Variants in PLEKHG4B observed in about 807,000 individuals in gnomAD.
PLEKHG4B encodes pleckstrin homology and RhoGEF domain containing G4B.
PLEKHG4B carries 111 observed loss-of-function variants against 121.3 expected under a neutral mutation model. The ratio of observed to expected loss-of-function variants is 0.92; its 90% CI spans 0.78 to 1.07. The LOEUF (loss-of-function observed/expected upper bound fraction) is 1.07, where lower values mean the gene tolerates loss of function less well. Ranked by LOEUF, PLEKHG4B falls within the 50% of genes least tolerant of loss-of-function variation. The probability of loss-of-function intolerance (pLI) is 0.00; values close to 1 mark genes in which losing one functional copy is unlikely to be tolerated. For missense variants in PLEKHG4B, 1,831 were observed against 1,757.8 expected, an observed-to-expected ratio of 1.04 and a Z score of -0.74; for synonymous variants, 738 against 725.0, an observed-to-expected ratio of 1.02 and a Z score of -0.29.
At chr5:111,604 G>A (rs560192366) in intron 1 of PLEKHG4B, among the ~76,000 whole-genome samples, 6 of 152,296 alleles carry the variant, frequency 3.9e-5, no homozygotes, top group African/African-American at 7.2e-5. Context: ...CGTCTCTTCC[G>A]GGGATGGCCC....
chr5:186,768 G>T lies in PLEKHG4B; in HGVS notation c.*4445G>T, dbSNP rs911258357. The T allele has an allele frequency of 6.6e-6, 1 of 152,588 alleles. No homozygotes were observed. The highest frequency in any genetic ancestry group is 6.5e-5 in the Admixed American group (1 of 15,284). The allele number at this position is 152,588 out of a possible 1,614,324, so 9.5% of individuals were successfully genotyped here. A position where few individuals can be genotyped will look rare whatever the true frequency, so the allele number is the denominator to read the frequency against. ...CAGTGCCTCCTTCCAAGCTGCCTGA[G>T]CAATCCTGGGTGGTGAGCTCCACCA... On this transcript the variant is annotated 3_prime_UTR_variant, in exon 20 of 20. Transcript: ENST00000637938.
Position 140,525 on chromosome 5 carries a change from C to A in PLEKHG4B, c.1286C>A (p.Ala429Glu). The change falls in exon 3 of 20, where the codon GCA (alanine) becomes GAA (glutamate). Residue 429 changes from alanine to glutamate, a missense_variant. Coordinates refer to ENST00000637938, the MANE Select transcript of PLEKHG4B (RefSeq NM_052909.5). Reference protein sequence around the residue: ...HTPSRTGPGAAGRTLPRRSRS... With the variant: ...HTPSRTGPGAEGRTLPRRSRS... The stretch of plus-strand genomic sequence containing the variant: ...CCCAGCCGGACAGGTCCAGGAGCTG[C>A]AGGGCGGACTCTTCCCAGGAGATCT... 1.3e-6 allele frequency: 2 copies of A among 1,598,776 alleles called. No homozygotes were observed. The highest frequency in any genetic ancestry group is 2.2e-5 in the South Asian group (2 of 88,972).
chr5:102,758 TACAG>T (rs1251248272), intron 1 of PLEKHG4B, among the ~76,000 whole-genome samples: 1 of 152,212 alleles, frequency 6.6e-6, no homozygotes, highest in Non-Finnish European at 1.5e-5. Context: ...AACAGACTAA[TACAG>T]ACAGCACCAA....
At chr5:164,793 C>CA (rs537161675) in intron 13 of PLEKHG4B, among the ~76,000 whole-genome samples, 1 of 88,670 alleles carries the variant, frequency 1.1e-5, no homozygotes, top group Non-Finnish European at 2.3e-5. Context: ...AATGCTCTGA[C>CA]GGGGCGGAGC....
At position 181,609 on chromosome 5, in the gene PLEKHG4B, A is replaced by C; in HGVS notation, c.4498A>C (p.Ser1500Arg). The change falls in exon 19 of 20, where the codon AGC becomes CGC. Residue 1500 changes from serine (S) to arginine (R), a missense_variant. By Grantham distance (110) the Ser-to-Arg change is moderately radical. Coordinates refer to ENST00000637938, the MANE Select transcript of PLEKHG4B (RefSeq NM_052909.5). ...CCGGACCCCTGACTGTGCAGTGATA[A>C]GCGACCGGGCTCCCAAATGTGCAGT... ...RDRTPDCAVI[S>R]DRAPKCAVMS... is the part of the protein sequence containing the mutation. 6.2e-7 allele frequency: 1 copy of C among 1,612,680 alleles called. No individual in the cohort carries two copies. Among genetic ancestry groups the C allele is most frequent in the Non-Finnish European group, 8.5e-7 (1 of 1,179,344 alleles).
chr5:172,567 GA>G (rs1231535178), intron 16 of PLEKHG4B, among the ~76,000 whole-genome samples: 1 of 152,242 alleles, frequency 6.6e-6, no homozygotes, highest in Non-Finnish European at 1.5e-5. Context: ...CTGCACGTAT[GA>G]CCCGGGAACG....
In PLEKHG4B at chr5:182,178, G is replaced by A. The variant is rs958008282; in HGVS notation, c.4739G>A (p.Trp1580Ter). 8 of 1,613,974 alleles carry A rather than the reference G, an allele frequency of 5.0e-6. No individual in the cohort carries two copies. The highest frequency in any genetic ancestry group is 6.8e-6 in the Non-Finnish European group (8 of 1,180,042). The change falls in exon 20 of 20, where the codon TGG (tryptophan) becomes TAG (stop). Residue 1580 changes from tryptophan to a stop codon, truncating the protein, a stop_gained. Transcript: ENST00000637938. LOFTEE classifies it low-confidence loss of function (END_TRUNC). Reference sequence around the variant, plus strand: ...TCCAGCCCAGCCCACCCGGGCCTATGGAGCCCTGCCCACAGCCCCTGGTCA... The same window carrying A: ...TCCAGCCCAGCCCACCCGGGCCTATAGAGCCCTGCCCACAGCCCCTGGTCA... ...VSSSPAHPGL[W>*]SPAHSPWSSD...
chr5:137,027 G>A lies in PLEKHG4B; in HGVS notation c.244-2456G>A, dbSNP rs1458870790. Among the ~76,000 whole-genome samples the A allele has an allele frequency of 6.6e-6, 1 of 152,184 alleles. No homozygotes were observed. The highest frequency in any genetic ancestry group is 1.9e-4 in the East Asian group (1 of 5,198). On this transcript the variant is annotated intron_variant, in intron 2 of 19. Transcript: ENST00000637938. This position sits in a 1 kb window ranked among gnomAD's most constrained non-coding sequence, Gnocchi z 4.2. ...GGAATATTATGCAACCCTGTGGATG[G>A]ATGAATGGATAGCAAAATATAGTAT...
intron 13 of PLEKHG4B, 114 bp downstream of exon 13, chr5:163,662 C>A: frequency 1.2e-6 from 1 of 860,908 alleles, no homozygotes; most frequent in South Asian, 1.8e-5. Flanking sequence ...CCGCAGACAT[C>A]CCTCTGGGTC....
chr5:143,518 A>G lies in PLEKHG4B; in HGVS notation c.1811+15A>G. 6.2e-7 allele frequency: 1 copy of G among 1,612,364 alleles called. No homozygotes were observed. The highest frequency in any genetic ancestry group is 8.5e-7 in the Non-Finnish European group (1 of 1,179,762). On this transcript the variant is annotated intron_variant, in intron 5 of 19. Transcript: ENST00000637938. ...AGCATCCCCAGGTGGGACGGGGGGC[A>G]AGGCCGCACCCTGCAGACCCATGGG...
At chr5:115,943 G>C (rs1734295992) in intron 2 of PLEKHG4B, among the ~76,000 whole-genome samples, 2 of 152,244 alleles carry the variant, frequency 1.3e-5, no homozygotes, top group South Asian at 4.1e-4. Flanking sequence ...GTTCCTTAGA[G>C]TGGACTTTTA....
At chr5:164,519 A>G (rs949863651) in intron 13 of PLEKHG4B, among the ~76,000 whole-genome samples, 2 of 81,120 alleles carry the variant, frequency 2.5e-5, no homozygotes, top group Non-Finnish European at 4.9e-5. Context: ...GAGCTCACAC[A>G]GTAATGCTGT....
At chr5:130,961 T>G (rs1734760788) in intron 2 of PLEKHG4B, among the ~76,000 whole-genome samples, 1 of 152,212 alleles carries the variant, frequency 6.6e-6, no homozygotes, top group Non-Finnish European at 1.5e-5. Flanking sequence ...CAAAGAAGAA[T>G]GGTGTTCTTT....
chr5:131,884 A>C (rs1258672838), intron 2 of PLEKHG4B, among the ~76,000 whole-genome samples: 2 of 152,208 alleles, frequency 1.3e-5, no homozygotes, highest in East Asian at 3.8e-4. Context: ...GCATAGTTTC[A>C]TGTGTCTGTT....
intron 6 of PLEKHG4B, among the ~76,000 whole-genome samples, chr5:150,361 GGA>G (rs1243127440): frequency 6.6e-6 from 1 of 152,166 alleles, no homozygotes; most frequent in Non-Finnish European, 1.5e-5. Flanking sequence ...AGGGGGTAAT[GGA>G]GAGTTTTTCT....
chr5:171,202 C>A lies in PLEKHG4B; in HGVS notation c.3820-12C>A, dbSNP rs370365235. 6.2e-7 allele frequency: 1 copy of A among 1,603,100 alleles called. No homozygotes were observed. The highest frequency in any genetic ancestry group is 1.7e-5 in the Admixed American group (1 of 59,554). On this transcript the variant is annotated splice_polypyrimidine_tract_variant and intron_variant, in intron 15 of 19. Coordinates refer to ENST00000637938, the MANE Select transcript of PLEKHG4B (RefSeq NM_052909.5). ...CCAGGCCGGAGCTGACCCTCTCACC[C>A]GGCCCTTGCAGGACAAGCAGCGGGA...
At chr5:172,499 C>T (rs547627183) in intron 16 of PLEKHG4B, among the ~76,000 whole-genome samples, 16 of 152,300 alleles carry the variant, frequency 1.1e-4, no homozygotes, top group South Asian at 2.1e-4. Context: ...TCAAAATGGA[C>T]GCGAGGGCTT....
chr5:128,912 G>A (rs1734698393), intron 2 of PLEKHG4B, among the ~76,000 whole-genome samples: 1 of 152,144 alleles, frequency 6.6e-6, no homozygotes, highest in Non-Finnish European at 1.5e-5. Context: ...TGACAGGGAG[G>A]GGTCGGACAG....
intron 13 of PLEKHG4B, among the ~76,000 whole-genome samples, chr5:163,928 G>A (rs1454262003): frequency 6.6e-6 from 1 of 152,212 alleles, no homozygotes; most frequent in Non-Finnish European, 1.5e-5. Flanking sequence ...TAAGTGTTAG[G>A]GGTTAGAAGG....
Sources: gnomAD v4.1 joint callset for allele counts (sites outside exome capture counted in the v4.1 genomes callset) on GRCh38, gnomAD v4.1.1 for gene constraint, Gnocchi (gnomAD v3.1) non-coding constraint, MANE v1.5 for transcripts, NCBI Gene and HGNC (gene_info 2026-07-23, HGNC 2026-07-21) for gene names.